MYZAP: variants seen among roughly 807,000 people sequenced by gnomAD.
The protein encoded by MYZAP is GRINL1A complex locus upstream.
Under a neutral mutation model 69.4 loss-of-function variants are expected in MYZAP, and 66 were observed. The ratio of observed to expected loss-of-function variants is 0.95; its 90% CI spans 0.78 to 1.17. The LOEUF is 1.17. Ranked by LOEUF, MYZAP falls within the 50% of genes most tolerant of loss-of-function variation. The pLI, the probability that MYZAP is intolerant of heterozygous loss-of-function variation, is 0.00. For missense variants in MYZAP, 611 were observed against 556.2 expected (o/e 1.10, Z -0.99); for synonymous variants, 256 against 205.9 (o/e 1.24, Z -2.09).
chr15:57,639,586 T>C (rs779846607), intron 10 of MYZAP, 41 bp downstream of exon 10: 11 of 1,591,018 alleles, frequency 6.9e-6, no homozygotes, highest in African/African-American at 6.7e-5. Context: ...GATTGCTTCC[T>C]GTGGTGGGGA....
intron 10 of MYZAP, 22 bp downstream of exon 10, chr15:57,639,567 C>A: frequency 6.2e-7 from 1 of 1,609,024 alleles, no homozygotes; most frequent in Non-Finnish European, 8.5e-7. Flanking sequence ...CAAAAGGTCA[C>A]AGGCCTGGGA....
At chr15:57,641,918 GA>G (rs1461235076) in intron 10 of MYZAP, among the ~76,000 whole-genome samples, 20 of 152,192 alleles carry the variant, frequency 1.3e-4, no homozygotes, top group Admixed American at 1.3e-3. Context: ...GGGAACTGGG[GA>G]AGACATGCCC....
chr15:57,626,362 T>A (rs1463423952), intron 5 of MYZAP, among the ~76,000 whole-genome samples: 3 of 152,216 alleles, frequency 2.0e-5, no homozygotes, highest in African/African-American at 7.2e-5. Flanking sequence ...TCAGAAAGAA[T>A]CATGGATATT....
intron 10 of MYZAP, among the ~76,000 whole-genome samples, chr15:57,660,488 G>C (rs1417777281): frequency 6.6e-6 from 1 of 151,712 alleles, no homozygotes; most frequent in African/African-American, 2.4e-5. Flanking sequence ...CTAATTTTTT[G>C]ATTTTTTGTA....
intron 10 of MYZAP, chr15:57,646,878 A>C: frequency 2.0e-6 from 2 of 985,462 alleles, no homozygotes; most frequent in Non-Finnish European, 2.4e-6. Context: ...AAATATGTTG[A>C]ACTGAAACAT....
At chr15:57,649,669 T>C (rs1356948501) in intron 10 of MYZAP, among the ~76,000 whole-genome samples, 1 of 152,208 alleles carries the variant, frequency 6.6e-6, no homozygotes, top group East Asian at 1.9e-4. Flanking sequence ...TTGTGATATC[T>C]TTTATAATAT....
intron 11 of MYZAP, among the ~76,000 whole-genome samples, chr15:57,673,015 C>T (rs2038941064): frequency 1.3e-5 from 2 of 152,224 alleles, no homozygotes; most frequent in East Asian, 1.9e-4. Flanking sequence ...TAACTTCTAA[C>T]TCTTCCCTCA....
intron 9 of MYZAP, among the ~76,000 whole-genome samples, chr15:57,638,954 C>T (rs1223199124): frequency 6.6e-6 from 1 of 152,182 alleles, no homozygotes; most frequent in Non-Finnish European, 1.5e-5. Context: ...AAAAAATTAT[C>T]TCTCAGCCCC....
intron 10 of MYZAP, chr15:57,647,878 T>C (rs1456449845): frequency 1.0e-6 from 1 of 985,288 alleles, no homozygotes; most frequent in Non-Finnish European, 1.2e-6. Flanking sequence ...TACTGTGATA[T>C]GGTGTGAACT....
chr15:57,612,966 C>A (rs981684805), intron 2 of MYZAP, among the ~76,000 whole-genome samples: 3 of 152,050 alleles, frequency 2.0e-5, no homozygotes, highest in Non-Finnish European at 2.9e-5. Context: ...GAGTCTCGCT[C>A]TGTCGCCCAG....
Position 57,593,188 on chromosome 15 carries a change from G to GCATGCGCGCGCGCGCACACACACACACA in MYZAP, c.75+1081_75+1082insTGCGCGCGCGCGCACACACACACACACA. The stretch of plus-strand genomic sequence containing the variant: ...AGACACTTAGGTTGTGTACACAGGC[G>GCATGCGCGCGCGCGCACACACACACACA]CACACACACACACACACACACACAC... On this transcript the variant is annotated intron_variant, in intron 1 of 12. Coordinates refer to ENST00000267853, the MANE Select transcript of MYZAP (RefSeq NM_001018100.5). Among the ~76,000 whole-genome samples the GCATGCGCGCGCGCGCACACACACACACA allele has an allele frequency of 7.1e-3, 809 of 114,192 alleles. 12 individuals carry two copies. Among genetic ancestry groups the GCATGCGCGCGCGCGCACACACACACACA allele is most frequent in the African/African-American group, 0.013 (375 of 29,728 alleles). 74.9% of individuals were successfully genotyped at this position (114,192 alleles called of 152,430 possible). A position where few individuals can be genotyped will look rare whatever the true frequency, so the allele number is the denominator to read the frequency against.
In MYZAP at chr15:57,633,860, A is replaced by G. The variant is rs191608007; in HGVS notation, c.933+119A>G. 445 of 1,209,714 alleles carry G rather than the reference A, an allele frequency of 3.7e-4. 2 individuals carry two copies. In the African/African-American group the frequency reaches 6.2e-3, roughly 17 times the overall value. The allele number at this position is 1,209,714 out of a possible 1,614,324, so 74.9% of individuals were successfully genotyped here. A position where few individuals can be genotyped will look rare whatever the true frequency, so the allele number is the denominator to read the frequency against. ...CACCTCCAAAATTTGCAATTAAAAA[A>G]AAAAAGACAAAGCTATAAAATAAAG... On this transcript the variant is annotated intron_variant, in intron 8 of 12. Transcript: ENST00000267853.
intron 2 of MYZAP, among the ~76,000 whole-genome samples, chr15:57,616,600 C>T (rs1300570007): frequency 6.6e-6 from 1 of 152,002 alleles, no homozygotes; most frequent in Non-Finnish European, 1.5e-5. Context: ...TGCGCCGCTG[C>T]TCTCCAACCT....
chr15:57,639,577 A>T (rs750377365), intron 10 of MYZAP, 32 bp downstream of exon 10: 1 of 1,603,488 alleles, frequency 6.2e-7, no homozygotes, highest in Non-Finnish European at 8.5e-7. Context: ...CAGGCCTGGG[A>T]TTGCTTCCTG....
chr15:57,629,560 C>A, intron 5 of MYZAP, 142 bp from the exon 6 acceptor site: 2 of 1,185,818 alleles, frequency 1.7e-6, no homozygotes, highest in Non-Finnish European at 2.3e-6. Flanking sequence ...TCCCTCACAG[C>A]ACAGGGTCCC....
At chr15:57,599,534 C>A in intron 1 of MYZAP, 1 of 1,252,850 alleles carries the variant, frequency 8.0e-7, no homozygotes, top group Non-Finnish European at 1.0e-6. Flanking sequence ...GGGTAGGATG[C>A]AGTTCTTCGC....
At chr15:57,621,395 G>C (rs1158492777) in intron 3 of MYZAP, among the ~76,000 whole-genome samples, 2 of 151,828 alleles carry the variant, frequency 1.3e-5, no homozygotes, top group East Asian at 3.9e-4. Flanking sequence ...TGTATTTTTA[G>C]TAGAGACGGG....
At chr15:57,616,425 G>C (rs1352292290) in intron 2 of MYZAP, among the ~76,000 whole-genome samples, 1 of 152,154 alleles carries the variant, frequency 6.6e-6, no homozygotes, top group African/African-American at 2.4e-5. Flanking sequence ...GGATCACAAG[G>C]TCAAGAGCTC....
Position 57,681,706 on chromosome 15 carries a change from G to C in MYZAP, c.1305-2696G>C, listed in dbSNP as rs528280496. ...AGGCTGAGGCAGGAGAATTGCTTGA[G>C]CCTGGGAGGCAGAGGTTGCATTGAG... On this transcript the variant is annotated intron_variant, in intron 12 of 12. Coordinates refer to ENST00000267853, the MANE Select transcript of MYZAP (RefSeq NM_001018100.5). 8.5e-5 allele frequency among the ~76,000 whole-genome samples: 13 copies of C among 152,176 alleles called. No homozygotes were observed. In the South Asian group the frequency reaches 2.5e-3, roughly 29 times the overall value.
Sources: gnomAD v4.1 joint callset for allele counts (sites outside exome capture counted in the v4.1 genomes callset) on GRCh38, gnomAD v4.1.1 for gene constraint, MANE v1.5 for transcripts, NCBI Gene and HGNC (gene_info 2026-07-23, HGNC 2026-07-21) for gene names.